The following CDC42BPA variants were observed in gnomAD, a reference collection of about 807,000 sequenced individuals.
CDC42BPA encodes CDC42 binding protein kinase alpha.
CDC42BPA carries 80 observed loss-of-function variants against 223.5 expected under a neutral mutation model. That is an observed-to-expected ratio of 0.36 (90% confidence interval 0.30 to 0.43). CDC42BPA has a LOEUF of 0.43. CDC42BPA is among the 20% of genes least tolerant of loss of function. The probability of loss-of-function intolerance (pLI) is 1.00; values close to 1 mark genes in which losing one functional copy is unlikely to be tolerated. For synonymous variants in CDC42BPA, 694 were observed against 718.6 expected (o/e 0.97, Z 0.55); for missense variants, 1,743 against 2,099.9 (o/e 0.83, Z 3.32).
intron 35 of CDC42BPA, among the ~76,000 whole-genome samples, chr1:226,997,736 T>C (rs1309198750): frequency 1.3e-5 from 2 of 152,210 alleles, no homozygotes; most frequent in African/African-American, 4.8e-5. Context: ...AGCAGGTTGT[T>C]CAGTTTCCAA....
chr1:227,168,497 G>GATTTTTTTTTT (rs1665462396), intron 5 of CDC42BPA, among the ~76,000 whole-genome samples: 1 of 80,196 alleles, frequency 1.2e-5, no homozygotes, highest in Non-Finnish European at 2.4e-5. Context: ...CTTCCCTGGT[G>GATTTTTTTTTT]TTTTTTTTTT....
intron 31 of CDC42BPA, 70 bp from the exon 32 acceptor site, chr1:227,023,417 C>T: frequency 1.3e-6 from 1 of 759,248 alleles, no homozygotes; most frequent in Admixed American, 2.9e-5. Context: ...TTTTGTCCTG[C>T]TTATAAAGCA....
intron 1 of CDC42BPA, among the ~76,000 whole-genome samples, chr1:227,261,371 C>T (rs1338993111): frequency 1.3e-5 from 2 of 150,712 alleles, no homozygotes; most frequent in African/African-American, 5.0e-5. Flanking sequence ...CTGCCTTGGC[C>T]TCCCAAAATG....
At chr1:227,182,298 C>A (rs1488833428) in intron 5 of CDC42BPA, among the ~76,000 whole-genome samples, 2 of 152,168 alleles carry the variant, frequency 1.3e-5, no homozygotes, top group African/African-American at 2.4e-5. Context: ...AGCCTTATAG[C>A]TGGTAAGAAA....
At chr1:227,126,464 A>AAAGAAAGGAAGGAAGGAAGG (rs1689619211) in intron 11 of CDC42BPA, among the ~76,000 whole-genome samples, 1 of 130,476 alleles carries the variant, frequency 7.7e-6, no homozygotes, top group Non-Finnish European at 1.6e-5. Flanking sequence ...GCAGTACAAG[A>AAAGAAAGGAAGGAAGGAAGG]AAGGAAGGAA....
At chr1:227,236,538 AATT>A (rs1277125968) in intron 2 of CDC42BPA, among the ~76,000 whole-genome samples, 1 of 55,904 alleles carries the variant, frequency 1.8e-5, no homozygotes, top group African/African-American at 8.3e-5. Flanking sequence ...TATGTTCCAT[AATT>A]ATTAAACCTT....
chr1:227,081,481 T>TTC (rs1680649653), intron 16 of CDC42BPA, among the ~76,000 whole-genome samples: 1 of 151,624 alleles, frequency 6.6e-6, no homozygotes. Context: ...AGACAGAGTT[T>TTC]TGCACTTGTT....
intron 3 of CDC42BPA, among the ~76,000 whole-genome samples, chr1:227,205,123 G>T (rs1380897501): frequency 3.3e-5 from 5 of 151,770 alleles, no homozygotes; most frequent in Admixed American, 6.6e-5. Context: ...GCCGGGTGTG[G>T]TGGTGGGAGG....
intron 6 of CDC42BPA, 92 bp downstream of exon 6, chr1:227,160,449 TAG>T: frequency 1.2e-6 from 1 of 826,240 alleles, no homozygotes; most frequent in Non-Finnish European, 2.1e-6. Flanking sequence ...GATGGGTAGA[TAG>T]TATAAATAGA....
chr1:227,021,833 C>A (rs2148561137), intron 32 of CDC42BPA, among the ~76,000 whole-genome samples: 1 of 152,158 alleles, frequency 6.6e-6, no homozygotes, highest in Middle Eastern at 3.4e-3. Flanking sequence ...TCCTGGCCAA[C>A]ATGGTGAAAC....
chr1:227,246,307 G>A (rs1385679314), intron 2 of CDC42BPA, among the ~76,000 whole-genome samples: 1 of 152,144 alleles, frequency 6.6e-6, no homozygotes, highest in African/African-American at 2.4e-5. Context: ...TAAAACATCA[G>A]GTAGATTGCT....
Position 227,026,129 on chromosome 1 carries a change from C to T in CDC42BPA, c.4456G>A (p.Val1486Met), listed in dbSNP as rs772912323. The T allele has an allele frequency of 5.0e-5, 80 of 1,604,762 alleles. No homozygotes were observed. The highest frequency in any genetic ancestry group is 6.6e-5 in the Non-Finnish European group (77 of 1,173,946). The change falls in exon 31 of 37, where the codon GTG (valine) becomes ATG (methionine). Residue 1486 changes from valine to methionine, a missense_variant. By Grantham distance (21) the Val-to-Met change is conservative (BLOSUM62 1). Around this residue, in one of 6 missense-constraint regions of CDC42BPA, gnomAD observed 678 missense variants for 777.5 expected, o/e 0.87. Coordinates refer to ENST00000366766, the MANE Select transcript of CDC42BPA (RefSeq NM_001394014.1). ...SCCYNAPYLSVYSENAVDIFD... is the reference protein window; with the variant it reads ...SCCYNAPYLSMYSENAVDIFD... ...ATATCAACTGCATTTTCACTGTACA[C>T]CGAGAGATATGGTGCATTGTAACCT...
rs78617350 is a variant in CDC42BPA at position 227,123,916 on chromosome 1, C to T, written c.1514-3979G>A. On this transcript the variant is annotated intron_variant, in intron 11 of 36. Transcript: ENST00000366766. ...AAACAGTACACAGAGGCACATATCC[C>T]CAACCTCAAGGCAACATAAGAACGA... Among the ~76,000 whole-genome samples the T allele has an allele frequency of 9.9e-3, 1,508 of 151,904 alleles. 24 individuals carry two copies. Among genetic ancestry groups the T allele is most frequent in the African/African-American group, 0.034 (1,410 of 41,414 alleles).
intron 1 of CDC42BPA, among the ~76,000 whole-genome samples, chr1:227,314,529 C>T (rs1222923551): frequency 1.3e-5 from 2 of 151,658 alleles, no homozygotes; most frequent in African/African-American, 2.4e-5. Context: ...TTAACTGTAC[C>T]AATATAAAAA....
At chr1:227,277,751 T>C (rs538600090) in intron 1 of CDC42BPA, among the ~76,000 whole-genome samples, 7 of 149,724 alleles carry the variant, frequency 4.7e-5, no homozygotes, top group South Asian at 2.1e-4. Flanking sequence ...GATAAAACTT[T>C]TGTTTGTTTG....
At position 227,139,582 on chromosome 1, in the gene CDC42BPA, G is replaced by C. The variant is rs1261060679; in HGVS notation, c.1384C>G (p.Leu462Val). 6.4e-7 allele frequency: 1 copy of C among 1,572,942 alleles called. No individual in the cohort carries two copies. The highest frequency in any genetic ancestry group is 8.6e-7 in the Non-Finnish European group (1 of 1,161,626). The change falls in exon 10 of 37, where the codon CTT becomes GTT. Residue 462 changes from leucine (L) to valine (V), a missense_variant. Coordinates refer to ENST00000366766, the MANE Select transcript of CDC42BPA (RefSeq NM_001394014.1). ...ATATTTAAAATATATTTACCTTGAA[G>C]TTTTCTACTGAGTTCAAGTTTTTCT... ...EQEKLELSRK[L>V]QESTQTVQAL... is the part of the protein sequence containing the mutation.
intron 3 of CDC42BPA, among the ~76,000 whole-genome samples, chr1:227,212,401 C>T (rs573114427): frequency 3.0e-4 from 46 of 152,258 alleles, no homozygotes; most frequent in Admixed American, 5.9e-4. Flanking sequence ...ACTCAGCCTG[C>T]TCGTCAGTAT....
chr1:227,064,505 C>G, intron 21 of CDC42BPA, among the ~76,000 whole-genome samples: 1 of 152,052 alleles, frequency 6.6e-6, no homozygotes, highest in Admixed American at 6.5e-5. Flanking sequence ...ATCCCTGGAT[C>G]TGTTACTATT....
At chr1:227,085,538 T>G (rs1681681337) in intron 16 of CDC42BPA, among the ~76,000 whole-genome samples, 2 of 152,250 alleles carry the variant, frequency 1.3e-5, no homozygotes, top group Admixed American at 1.3e-4. Flanking sequence ...AACCTGTATT[T>G]CTGTGCAGAG....
Sources: gnomAD v4.1 joint callset for allele counts (sites outside exome capture counted in the v4.1 genomes callset) on GRCh38, gnomAD v4.1.1 for gene constraint, gnomAD v4.1.1 regional missense constraint, MANE v1.5 for transcripts, NCBI Gene and HGNC (gene_info 2026-07-23, HGNC 2026-07-21) for gene names.